The following SPTBN1 variants were observed in gnomAD, a reference collection of about 807,000 sequenced individuals.
SPTBN1 encodes the protein spectrin beta chain, non-erythrocytic 1.
SPTBN1 carries 32 observed loss-of-function variants against 266.4 expected under a neutral mutation model. The observed-to-expected ratio is 0.12, with a 90% CI of 0.09 to 0.16. The LOEUF (loss-of-function observed/expected upper bound fraction) is 0.16. Ranked by LOEUF, SPTBN1 falls within the 10% of genes least tolerant of loss-of-function variation. The probability of loss-of-function intolerance (pLI) is 1.00; values close to 1 mark genes in which losing one functional copy is unlikely to be tolerated. For synonymous variants in SPTBN1, 1,336 were observed against 1,162.2 expected, an observed-to-expected ratio of 1.15 and a Z score of -3.04; for missense variants, 2,296 against 3,067.1, an observed-to-expected ratio of 0.75 and a Z score of 5.94.
At chr2:54,632,469 A>G in intron 16 of SPTBN1, 97 bp from the exon 17 acceptor site, 1 of 1,237,490 alleles carries the variant, frequency 8.1e-7, no homozygotes, top group South Asian at 1.3e-5. Context: ...AAGTGTAATG[A>G]AGAAAGTGTT....
chr2:54,606,603 C>T (rs1326508529), intron 3 of SPTBN1, among the ~76,000 whole-genome samples: 1 of 152,130 alleles, frequency 6.6e-6, no homozygotes, highest in Non-Finnish European at 1.5e-5. Flanking sequence ...CAGAAACCAC[C>T]TGGATGTGAG....
At chr2:54,575,329 C>G (rs151311097) in intron 2 of SPTBN1, among the ~76,000 whole-genome samples, 56 of 152,298 alleles carry the variant, frequency 3.7e-4, no homozygotes, top group Non-Finnish European at 7.8e-4. Flanking sequence ...TTCTGCAACT[C>G]CAGAGGATTC....
In SPTBN1 at chr2:54,649,738, A is replaced by G. The variant is rs370016840; in HGVS notation, c.5326A>G (p.Ile1776Val). ...INSGHSDAATIAEWKDGLNEA... is the reference protein window; with the variant it reads ...INSGHSDAATVAEWKDGLNEA... ...CTCTGGACATTCAGATGCCGCCACC[A>G]TCGCTGAATGGAAGGATGGCCTCAA... Residue 1776 changes from isoleucine to valine, a missense_variant, in exon 26 of 36, where the codon ATC becomes GTC. Physicochemically the swap from Ile to Val is conservative, Grantham distance 29. This residue lies in a region of SPTBN1 where 644 missense variants were observed against 745.3 expected (regional missense o/e 0.86). Transcript: ENST00000356805. The surrounding 1 kb of genome is among the most constrained non-coding windows in gnomAD (Gnocchi z 6.7). 41 of 1,614,046 alleles carry G rather than the reference A, an allele frequency of 2.5e-5. No individual in the cohort carries two copies. The highest frequency in any genetic ancestry group is 3.1e-5 in the Non-Finnish European group (36 of 1,180,042).
intron 2 of SPTBN1, among the ~76,000 whole-genome samples, chr2:54,566,221 C>T (rs1338078434): frequency 1.5e-5 from 2 of 136,878 alleles, no homozygotes; most frequent in African/African-American, 5.6e-5. Flanking sequence ...TGGAGTGTCA[C>T]TGTGTCGCCC....
intron 1 of SPTBN1, among the ~76,000 whole-genome samples, chr2:54,457,851 CTCT>C (rs751158806): frequency 6.6e-6 from 1 of 152,204 alleles, no homozygotes; most frequent in Non-Finnish European, 1.5e-5. Context: ...CCTCCTGCAC[CTCT>C]TCTTGGGCTG....
chr2:54,528,053 T>C (rs999617887), intron 2 of SPTBN1: 4 of 152,666 alleles, frequency 2.6e-5, no homozygotes, highest in Non-Finnish European at 4.4e-5. Flanking sequence ...AGATCTTTCT[T>C]GAGCTGGCCT....
intron 27 of SPTBN1, 147 bp from the exon 28 acceptor site, chr2:54,654,923 C>T (rs1189483282): frequency 3.4e-6 from 4 of 1,181,502 alleles, no homozygotes; most frequent in East Asian, 2.6e-5. Context: ...GTGGCCCAGC[C>T]TAAGCTCAGG....
intron 1 of SPTBN1, among the ~76,000 whole-genome samples, chr2:54,482,599 T>G (rs1668156506): frequency 6.6e-6 from 1 of 152,160 alleles, no homozygotes; most frequent in Non-Finnish European, 1.5e-5. Flanking sequence ...GTTACTTATG[T>G]TTATGTGAAT....
Position 54,533,349 on chromosome 2 carries a change from A to AGTGTGTGTGTGTGT in SPTBN1, c.148+6816_148+6829dup, listed in dbSNP as rs56027497. On this transcript the variant is annotated intron_variant, in intron 2 of 35. Transcript: ENST00000356805. This position sits in a 1 kb window ranked among gnomAD's most constrained non-coding sequence, Gnocchi z 4.2. Reference sequence around the variant, plus strand: ...AGTGAAACCCAGGCTAAAGGGGACTAGTGTGTGTGTGTGTGTGTGTGTGTG... The same window carrying AGTGTGTGTGTGTGT: ...AGTGAAACCCAGGCTAAAGGGGACTAGTGTGTGTGTGTGTGTGTGTGTGTGTGTGTGTGTGTGTG... Among the ~76,000 whole-genome samples the AGTGTGTGTGTGTGT allele has an allele frequency of 2.8e-5, 4 of 141,966 alleles. No homozygotes were observed. The highest frequency in any genetic ancestry group is 3.6e-3 in the Middle Eastern group (1 of 280). 93.1% of individuals were successfully genotyped at this position (141,966 alleles called of 152,430 possible).
chr2:54,539,835 C>T (rs540031292), intron 2 of SPTBN1, among the ~76,000 whole-genome samples: 26 of 148,354 alleles, frequency 1.8e-4, no homozygotes, highest in African/African-American at 6.6e-4. Flanking sequence ...AGCCACTGTG[C>T]GTGGACTCTG....
At chr2:54,529,535 A>T in intron 2 of SPTBN1, 1 of 712,760 alleles carries the variant, frequency 1.4e-6, no homozygotes, top group Non-Finnish European at 2.6e-6. Flanking sequence ...TCCTCGGAAG[A>T]CCACCCCCAG....
At chr2:54,656,025 C>T (rs1001955775) in intron 29 of SPTBN1, 27 bp downstream of exon 29, 4 of 1,571,608 alleles carry the variant, frequency 2.5e-6, no homozygotes, top group Non-Finnish European at 1.7e-6. Context: ...TCTTTCTGCT[C>T]TTTTGGGTAT....
In SPTBN1 at chr2:54,668,453, C is replaced by G; in HGVS notation, c.6979C>G (p.Gln2327Glu). ...TQSTPASSRA[Q>E]TLPTSVVTIT... ...GAGCACGCCAGCATCCAGCCGCGCG[C>G]AGACCCTCCCCACCAGCGTCGTCAC... is the stretch of plus-strand genomic sequence containing the variant. Residue 2327 changes from glutamine (Q) to glutamate (E), a missense_variant, in exon 36 of 36, where the codon CAG becomes GAG. By Grantham distance (29) the Gln-to-Glu change is conservative (BLOSUM62 2). This residue lies in a region of SPTBN1 where 347 missense variants were observed against 368.5 expected (regional missense o/e 0.94). Coordinates refer to ENST00000356805, the MANE Select transcript of SPTBN1 (RefSeq NM_003128.3). The G allele has an allele frequency of 6.2e-7, 1 of 1,614,210 alleles. No individual in the cohort carries two copies. Among genetic ancestry groups the G allele is most frequent in the Non-Finnish European group, 8.5e-7 (1 of 1,180,048 alleles).
rs575253364 is a variant in SPTBN1, at chr2:54,499,650, A to G, written c.-47-26722A>G. Among the ~76,000 whole-genome samples, 39 of 152,342 alleles carry G rather than the reference A, an allele frequency of 2.6e-4. 1 individual carries two copies. The South Asian group carries it at 7.9e-3, about 31-fold the overall frequency. ...CTCTAAATAATGTCCTAAAAACACAACATTTGTAATTATCTAATTAATAAA... is the reference window on the plus strand; with the variant it reads ...CTCTAAATAATGTCCTAAAAACACAGCATTTGTAATTATCTAATTAATAAA... On this transcript the variant is annotated intron_variant, in intron 1 of 35. Transcript: ENST00000356805.
At chr2:54,484,807 C>T (rs1009483796) in intron 1 of SPTBN1, among the ~76,000 whole-genome samples, 4 of 152,146 alleles carry the variant, frequency 2.6e-5, no homozygotes, top group Non-Finnish European at 5.9e-5. Context: ...CGCAATGTGG[C>T]TCATTCCAGG....
At chr2:54,526,266 C>G in intron 1 of SPTBN1, 106 bp from the exon 2 acceptor site, 1 of 900,304 alleles carries the variant, frequency 1.1e-6, no homozygotes, top group Non-Finnish European at 1.6e-6. Flanking sequence ...AAGACCTATT[C>G]TTGGCAAGCA....
Position 54,540,964 on chromosome 2 carries a change from G to A in SPTBN1, c.148+14398G>A, listed in dbSNP as rs959797873. ...AGCACAAGTGGAGGAGAATGTTGTC[G>A]TCGTTTTAACTGATGTGTAATTTAA... On this transcript the variant is annotated intron_variant, in intron 2 of 35. Transcript: ENST00000356805. This position sits in a 1 kb window ranked among gnomAD's most constrained non-coding sequence, Gnocchi z 5.6. 1.3e-5 allele frequency among the ~76,000 whole-genome samples: 2 copies of A among 152,176 alleles called. No individual in the cohort carries two copies. Among genetic ancestry groups the A allele is most frequent in the South Asian group, 2.1e-4 (1 of 4,836 alleles).
At chr2:54,655,813 T>G in intron 28 of SPTBN1, 101 bp from the exon 29 acceptor site, 1 of 817,932 alleles carries the variant, frequency 1.2e-6, no homozygotes, top group Non-Finnish European at 2.0e-6. Context: ...AGCTTAATGG[T>G]GGTCTTTGCA....
intron 3 of SPTBN1, among the ~76,000 whole-genome samples, chr2:54,599,890 T>C (rs2103691401): frequency 6.6e-6 from 1 of 152,334 alleles, no homozygotes; most frequent in East Asian, 1.9e-4. Context: ...ATGCACCTTA[T>C]ACCAAAGAAG....
Sources: allele counts gnomAD v4.1 joint callset (sites outside exome capture counted in the v4.1 genomes callset), GRCh38; gene constraint gnomAD v4.1.1; regional missense constraint gnomAD v4.1.1; non-coding constraint Gnocchi (gnomAD v3.1); transcripts MANE v1.5; gene names NCBI Gene and HGNC (gene_info 2026-07-23, HGNC 2026-07-21).